The following AFG2A variants were observed in gnomAD, a reference collection of about 807,000 sequenced individuals.
AFG2A encodes the protein ATPase family gene 2 protein homolog A.
At chr4:123,119,380 C>T in the AFG2A span, among the ~76,000 whole-genome samples, 3 of 152,060 alleles carry the variant, frequency 2.0e-5, no homozygotes, top group Non-Finnish European at 4.4e-5. Context: ...GCAAAGGTTA[C>T]GAGAGCAGGA....
At chr4:123,114,810 G>C in the AFG2A span, among the ~76,000 whole-genome samples, 1 of 152,264 alleles carries the variant, frequency 6.6e-6, no homozygotes, top group Admixed American at 6.5e-5. Context: ...GTGGTGGCAG[G>C]TGAGGTGCAG....
At chr4:123,221,770 CA>C in the AFG2A span, among the ~76,000 whole-genome samples, 2 of 151,640 alleles carry the variant, frequency 1.3e-5, no homozygotes, top group African/African-American at 4.8e-5. Context: ...ACTAAAAATA[CA>C]AAAAAATTAG....
chr4:123,203,904 G>GTGT, the AFG2A span, among the ~76,000 whole-genome samples: 1 of 152,200 alleles, frequency 6.6e-6, no homozygotes, highest in Admixed American at 6.5e-5. Flanking sequence ...TAAAATCAAA[G>GTGT]TGTTGGCAAG....
the AFG2A span, among the ~76,000 whole-genome samples, chr4:123,134,753 T>C: frequency 0.05 from 7,654 of 152,102 alleles, 612 homozygotes; most frequent in African/African-American, 0.17. Context: ...AGTAAGGAGA[T>C]TGACTCAGTA....
At chr4:123,090,834 A>C in the AFG2A span, 6 of 1,297,792 alleles carry the variant, frequency 4.6e-6, no homozygotes, top group Non-Finnish European at 6.3e-6. Context: ...AATGTAAAGC[A>C]GGTTCACTGT....
chr4:122,938,020 T>C, the AFG2A span: 6 of 1,112,244 alleles, frequency 5.4e-6, no homozygotes, highest in Non-Finnish European at 7.4e-6. Flanking sequence ...TAATATTAAG[T>C]GAATTCTAAA....
chr4:123,116,082 A>G, the AFG2A span, among the ~76,000 whole-genome samples: 6 of 151,982 alleles, frequency 3.9e-5, no homozygotes, highest in Non-Finnish European at 8.8e-5. Flanking sequence ...AAATTTTTAT[A>G]GAGACAGGGT....
chr4:122,942,097 T>C, the AFG2A span, among the ~76,000 whole-genome samples: 1 of 151,814 alleles, frequency 6.6e-6, no homozygotes, highest in Non-Finnish European at 1.5e-5. Flanking sequence ...AAATTCTCTT[T>C]TTTGGTTGTG....
chr4:123,048,908 A>C, the AFG2A span, among the ~76,000 whole-genome samples: 1 of 152,118 alleles, frequency 6.6e-6, no homozygotes. Flanking sequence ...TGTTGAATAG[A>C]AGTGGTGAAA....
the AFG2A span, among the ~76,000 whole-genome samples, chr4:123,034,592 A>T: frequency 6.7e-6 from 1 of 148,380 alleles, no homozygotes; most frequent in East Asian, 2.0e-4. Context: ...AAAGGACATT[A>T]GGGAAAAATT....
chr4:122,945,686 GAT>G, the AFG2A span, among the ~76,000 whole-genome samples: 3 of 152,234 alleles, frequency 2.0e-5, no homozygotes, highest in African/African-American at 7.2e-5. Context: ...TCCCTAGTGA[GAT>G]GAACCTGGTA....
At chr4:123,292,286 T>A in the AFG2A span, among the ~76,000 whole-genome samples, 1 of 152,178 alleles carries the variant, frequency 6.6e-6, no homozygotes, top group African/African-American at 2.4e-5. Context: ...TATTGTGATT[T>A]CTTTATGTTG....
the AFG2A span, among the ~76,000 whole-genome samples, chr4:122,963,140 A>G: frequency 1.3e-5 from 2 of 152,186 alleles, no homozygotes; most frequent in Admixed American, 6.5e-5. Flanking sequence ...CTCAATGAAT[A>G]AGATAGACTT....
At chr4:123,198,608 A>T in the AFG2A span, among the ~76,000 whole-genome samples, 56 of 152,280 alleles carry the variant, frequency 3.7e-4, no homozygotes, top group Middle Eastern at 3.4e-3. Flanking sequence ...ATTACCATTA[A>T]TTAGGACCAT....
chr4:123,218,939 T>C, the AFG2A span, among the ~76,000 whole-genome samples: 16 of 152,296 alleles, frequency 1.1e-4, no homozygotes, highest in Non-Finnish European at 2.2e-4. Context: ...AACCACTGTA[T>C]TAAAGTTTTC....
At chr4:123,036,429 A>G in the AFG2A span, among the ~76,000 whole-genome samples, 2 of 152,158 alleles carry the variant, frequency 1.3e-5, no homozygotes, top group Non-Finnish European at 2.9e-5. Flanking sequence ...TTTGGGACAA[A>G]ATGTTGAATA....
At chr4:123,229,865 C>T in the AFG2A span, among the ~76,000 whole-genome samples, 1 of 151,838 alleles carries the variant, frequency 6.6e-6, no homozygotes, top group Admixed American at 6.6e-5. Flanking sequence ...CATTTATATG[C>T]ATACTTTAGA....
chr4:123,256,764 T>G, the AFG2A span: 2 of 985,352 alleles, frequency 2.0e-6, no homozygotes, highest in African/African-American at 1.7e-5. Context: ...CAGCAAGACC[T>G]CTGTGAAAAT....
the AFG2A span, among the ~76,000 whole-genome samples, chr4:122,943,296 T>C: frequency 1.3e-5 from 2 of 152,222 alleles, no homozygotes; most frequent in Middle Eastern, 3.2e-3. Flanking sequence ...CACTCAGGAC[T>C]TGCTTTATGA....
Sources: gnomAD v4.1 joint callset for allele counts (sites outside exome capture counted in the v4.1 genomes callset) on GRCh38, gnomAD v4.1.1 for gene constraint, MANE v1.5 for transcripts, NCBI Gene and HGNC (gene_info 2026-07-23, HGNC 2026-07-21) for gene names.